The following PID1 variants were observed in gnomAD, a reference collection of about 807,000 sequenced individuals.
PID1 encodes the protein phosphotyrosine interaction domain containing 1, also known as PTB-containing, cubilin and LRP1-interacting protein.
A neutral mutation model predicts 19.1 loss-of-function variants in PID1; 10 were observed. The ratio of observed to expected loss-of-function variants is 0.52; its 90% CI spans 0.32 to 0.89. The LOEUF (loss-of-function observed/expected upper bound fraction) is 0.89. PID1 is among the 40% of genes least tolerant of loss of function. PID1 has a pLI of 0.03. For synonymous variants in PID1, 130 were observed against 116.0 expected (o/e 1.12, Z -0.78); for missense variants, 248 against 285.3 (o/e 0.87, Z 0.94).
chr2:229,200,971 G>T (rs1691487281), intron 1 of PID1, among the ~76,000 whole-genome samples: 1 of 151,970 alleles, frequency 6.6e-6, no homozygotes, highest in African/African-American at 2.4e-5. Flanking sequence ...ATTGGGTTTT[G>T]CTCTCTTTCT....
intron 2 of PID1, among the ~76,000 whole-genome samples, chr2:229,031,036 T>C (rs1291694875): frequency 6.6e-6 from 1 of 150,900 alleles, no homozygotes; most frequent in Admixed American, 6.6e-5. Context: ...GCCAATATGG[T>C]GAAACCCCAT....
chr2:229,257,491 C>T (rs954587147), intron 1 of PID1, among the ~76,000 whole-genome samples: 1 of 152,138 alleles, frequency 6.6e-6, no homozygotes, highest in African/African-American at 2.4e-5. Context: ...AGCAGAAGTA[C>T]AGTAGTTTAC....
chr2:229,087,105 T>G (rs1307260912), intron 2 of PID1, among the ~76,000 whole-genome samples: 2 of 152,196 alleles, frequency 1.3e-5, no homozygotes, highest in Non-Finnish European at 2.9e-5. Context: ...TTGTGCTCAA[T>G]GTTGATCAAA....
chr2:229,194,248 T>C (rs1691324393), intron 1 of PID1, among the ~76,000 whole-genome samples: 1 of 152,084 alleles, frequency 6.6e-6, no homozygotes, highest in Non-Finnish European at 1.5e-5. Flanking sequence ...ACTAATTGGA[T>C]TGAAGCAACA....
chr2:229,135,858 T>C (rs12329005), intron 2 of PID1, among the ~76,000 whole-genome samples: 56,643 of 152,050 alleles, frequency 0.37, 10,779 homozygotes, highest in South Asian at 0.57. Context: ...CAATTTGTGC[T>C]TGTTGATTAA....
intron 1 of PID1, among the ~76,000 whole-genome samples, chr2:229,221,209 G>A (rs1414582448): frequency 2.6e-5 from 4 of 152,096 alleles, no homozygotes; most frequent in Admixed American, 6.5e-5. Flanking sequence ...CCACATCCAG[G>A]GAATGCCCTT....
intron 2 of PID1, among the ~76,000 whole-genome samples, chr2:229,040,886 T>C (rs540039516): frequency 3.0e-4 from 46 of 152,332 alleles, no homozygotes; most frequent in African/African-American, 1.1e-3. Context: ...TAGTAAATGT[T>C]GAGAACCATG....
At chr2:229,163,953 A>G (rs570163481) in intron 1 of PID1, among the ~76,000 whole-genome samples, 4 of 152,308 alleles carry the variant, frequency 2.6e-5, no homozygotes, top group African/African-American at 9.6e-5. Context: ...AGTGGTTTTC[A>G]AAAATTGAGA....
At chr2:229,197,227 T>C (rs1043512823) in intron 1 of PID1, among the ~76,000 whole-genome samples, 9 of 152,084 alleles carry the variant, frequency 5.9e-5, no homozygotes, top group African/African-American at 1.9e-4. Flanking sequence ...TAAGTAATAG[T>C]GGCAACTTAA....
At chr2:229,191,198 A>C (rs1691253728) in intron 1 of PID1, among the ~76,000 whole-genome samples, 2 of 152,120 alleles carry the variant, frequency 1.3e-5, no homozygotes, top group African/African-American at 4.8e-5. Context: ...TGACAGCTGA[A>C]TCTCCCAGCT....
intron 2 of PID1, among the ~76,000 whole-genome samples, chr2:229,102,046 C>T (rs1162408072): frequency 6.6e-6 from 1 of 151,932 alleles, no homozygotes; most frequent in African/African-American, 2.4e-5. Flanking sequence ...AACATTTGGC[C>T]ACTGCTGGCT....
intron 1 of PID1, among the ~76,000 whole-genome samples, chr2:229,181,621 T>C (rs933485567): frequency 3.3e-5 from 5 of 152,230 alleles, no homozygotes; most frequent in African/African-American, 1.2e-4. Flanking sequence ...CTACTGATAA[T>C]CAAAAGATCC....
chr2:229,176,122 T>C (rs12475132), intron 1 of PID1, among the ~76,000 whole-genome samples: 14,488 of 151,642 alleles, frequency 0.096, 916 homozygotes, highest in South Asian at 0.25. Context: ...TTTAGATTTC[T>C]ACAGTTTAGT....
chr2:229,179,884 C>A (rs1214848388), intron 1 of PID1, among the ~76,000 whole-genome samples: 1 of 152,168 alleles, frequency 6.6e-6, no homozygotes, highest in African/African-American at 2.4e-5. Flanking sequence ...GCCACACGGA[C>A]CTCTGCTCAG....
chr2:229,039,012 G>A (rs1233122723), intron 2 of PID1, among the ~76,000 whole-genome samples: 2 of 152,164 alleles, frequency 1.3e-5, no homozygotes, highest in African/African-American at 2.4e-5. Flanking sequence ...AAATGGAGAT[G>A]TTTCAAGATT....
At position 229,025,411 on chromosome 2, in the gene PID1, C is replaced by T. The variant is rs1290511091; in HGVS notation, c.*221G>A. The T allele has an allele frequency of 3.5e-6, 2 of 565,204 alleles. No individual in the cohort carries two copies. The highest frequency in any genetic ancestry group is 6.0e-5 in the East Asian group (2 of 33,364). 35.0% of individuals were successfully genotyped at this position (565,204 alleles called of 1,614,324 possible). ...CCTAGAACCTTCCTCCCCATCCACA[C>T]TCCCACCCTCCTCACAGTCACAGCA... On this transcript the variant is annotated 3_prime_UTR_variant, in exon 3 of 3. Transcript: ENST00000392055.
intron 2 of PID1, among the ~76,000 whole-genome samples, chr2:229,046,386 G>C (rs1288227354): frequency 6.8e-6 from 1 of 147,308 alleles, no homozygotes; most frequent in African/African-American, 2.6e-5. Flanking sequence ...GTGTGCGTGT[G>C]TGTGTGTGTG....
At chr2:229,139,041 GAAAGAAAGAAAGAAAGA>G (rs1559251428) in intron 2 of PID1, among the ~76,000 whole-genome samples, 1 of 51,076 alleles carries the variant, frequency 2.0e-5, no homozygotes, top group Non-Finnish European at 4.5e-5. Flanking sequence ...GAAAGAAAGA[GAAAGAAAGAAAGAAAGA>G]GAAAGAAAGA....
chr2:229,069,143 T>TTGTGTGTGTGTGTG lies in PID1; in HGVS notation c.178-43049_178-43036dup, dbSNP rs61118908. On this transcript the variant is annotated intron_variant, in intron 2 of 2. Coordinates refer to ENST00000392055, the MANE Select transcript of PID1 (RefSeq NM_001100818.2). ...TTCCTTTCTTTAACGAGAAGGGTTT[T>TTGTGTGTGTGTGTG]TGTGTGTGTGTGTGTGTGTGTGTGT... is the stretch of plus-strand genomic sequence containing the variant. Among the ~76,000 whole-genome samples, 953 of 140,662 alleles carry TTGTGTGTGTGTGTG rather than the reference T, an allele frequency of 6.8e-3. 12 individuals are homozygous for TTGTGTGTGTGTGTG. Among genetic ancestry groups the TTGTGTGTGTGTGTG allele is most frequent in the African/African-American group, 0.022 (843 of 37,530 alleles). The allele number at this position is 140,662 out of a possible 152,430, so 92.3% of individuals were successfully genotyped here.
Sources: allele counts gnomAD v4.1 joint callset (sites outside exome capture counted in the v4.1 genomes callset), GRCh38; gene constraint gnomAD v4.1.1; transcripts MANE v1.5; gene names NCBI Gene and HGNC (gene_info 2026-07-23, HGNC 2026-07-21).